ROBO1: variants seen among roughly 807,000 people sequenced by gnomAD.
ROBO1 encodes roundabout guidance receptor 1.
A neutral mutation model predicts 195.9 loss-of-function variants in ROBO1; 149 were observed. That is an observed-to-expected ratio of 0.76 (90% confidence interval 0.67 to 0.87). ROBO1 has a LOEUF of 0.87. Among genes scored for constraint, ROBO1 ranks in the 40% least tolerant of loss-of-function variants. ROBO1 has a pLI of 0.00. For missense variants in ROBO1, 1,933 were observed against 2,068.3 expected (o/e 0.93, Z 1.27); for synonymous variants, 816 against 733.2 (o/e 1.11, Z -1.82).
chr3:79,215,459 T>G (rs1045786257), intron 2 of ROBO1, among the ~76,000 whole-genome samples: 3 of 152,066 alleles, frequency 2.0e-5, no homozygotes, highest in Non-Finnish European at 4.4e-5. Context: ...CCTCCCCTAC[T>G]CCGACCCAAC....
intron 3 of ROBO1, among the ~76,000 whole-genome samples, chr3:79,122,701 A>C (rs1234987418): frequency 2.0e-5 from 3 of 151,974 alleles, no homozygotes; most frequent in Non-Finnish European, 4.4e-5. Context: ...TTGTAGTAAC[A>C]AATTAGCTTG....
chr3:78,646,683 C>T (rs1706315227), intron 20 of ROBO1, among the ~76,000 whole-genome samples: 1 of 150,544 alleles, frequency 6.6e-6, no homozygotes, highest in Admixed American at 6.6e-5. Flanking sequence ...TAAAATAAAC[C>T]TTTCTACACA....
At chr3:79,597,188 G>A (rs1295340951) in intron 1 of ROBO1, among the ~76,000 whole-genome samples, 2 of 151,708 alleles carry the variant, frequency 1.3e-5, no homozygotes, top group African/African-American at 2.4e-5. Flanking sequence ...CTAGAGTTCT[G>A]TAGATAATAC....
At chr3:78,821,952 G>GTCACACAA (rs2031024589) in intron 4 of ROBO1, among the ~76,000 whole-genome samples, 1 of 152,036 alleles carries the variant, frequency 6.6e-6, no homozygotes, top group Non-Finnish European at 1.5e-5. Context: ...TGAGCAGATA[G>GTCACACAA]ATTATCATTG....
At chr3:79,445,753 C>T (rs2039229545) in intron 2 of ROBO1, among the ~76,000 whole-genome samples, 1 of 151,566 alleles carries the variant, frequency 6.6e-6, no homozygotes, top group African/African-American at 2.4e-5. Context: ...GCTCCGCCTC[C>T]CGGGTTCACA....
intron 4 of ROBO1, among the ~76,000 whole-genome samples, chr3:78,882,136 T>G (rs913297238): frequency 6.6e-6 from 1 of 152,120 alleles, no homozygotes; most frequent in Non-Finnish European, 1.5e-5. Context: ...ATATTACAAA[T>G]TTAGGAACAG....
intron 2 of ROBO1, among the ~76,000 whole-genome samples, chr3:79,460,779 G>C (rs1015831045): frequency 1.3e-5 from 2 of 151,266 alleles, no homozygotes; most frequent in African/African-American, 2.4e-5. Flanking sequence ...ACGGAGTCTC[G>C]CTCTGTCGCC....
chr3:79,627,545 A>T (rs1218266261), intron 1 of ROBO1, among the ~76,000 whole-genome samples: 1 of 152,208 alleles, frequency 6.6e-6, no homozygotes, highest in Non-Finnish European at 1.5e-5. Flanking sequence ...AGCCATAAAA[A>T]TTGTAGAGGA....
intron 2 of ROBO1, among the ~76,000 whole-genome samples, chr3:79,424,448 ACTC>A (rs966775760): frequency 6.6e-6 from 1 of 151,954 alleles, no homozygotes; most frequent in East Asian, 1.9e-4. Flanking sequence ...TATATCATAT[ACTC>A]CTCAAGTGAA....
chr3:79,569,000 A>T (rs57146209), intron 2 of ROBO1, among the ~76,000 whole-genome samples: 11,274 of 152,192 alleles, frequency 0.074, 454 homozygotes, highest in East Asian at 0.15. Flanking sequence ...TTAGCCACAT[A>T]ATTAGCTATC....
chr3:78,781,352 A>C (rs1315389632), intron 4 of ROBO1, among the ~76,000 whole-genome samples: 1 of 152,170 alleles, frequency 6.6e-6, no homozygotes, highest in African/African-American at 2.4e-5. Context: ...GATTAACTCT[A>C]ACATTTAATT....
At chr3:79,758,127 A>G (rs930300100) in intron 1 of ROBO1, among the ~76,000 whole-genome samples, 2 of 152,184 alleles carry the variant, frequency 1.3e-5, no homozygotes, top group African/African-American at 4.8e-5. Flanking sequence ...CATGCCCTGT[A>G]AAACTATTTT....
At chr3:79,171,015 G>T (rs2081155329) in intron 2 of ROBO1, among the ~76,000 whole-genome samples, 1 of 151,474 alleles carries the variant, frequency 6.6e-6, no homozygotes, top group Non-Finnish European at 1.5e-5. Context: ...ATTTTTCAGG[G>T]ATATTTTGAG....
rs199831032 is a variant in ROBO1, at chr3:79,544,315, A to AT, written c.88+45508dup. On this transcript the variant is annotated intron_variant, in intron 2 of 30. Coordinates refer to ENST00000464233, the MANE Select transcript of ROBO1 (RefSeq NM_002941.4). The stretch of plus-strand genomic sequence containing the variant: ...TTATGGTTTTAATTTTTATAATAAC[A>AT]TTTTTTCTTTTTATGTTTCTAATCA... Among the ~76,000 whole-genome samples the AT allele has an allele frequency of 2.7e-3, 409 of 151,854 alleles. 8 individuals are homozygous for AT. The East Asian group carries it at 0.067, about 25-fold the overall frequency.
Position 79,169,241 on chromosome 3 carries a change from T to A in ROBO1, c.89-43702A>T, listed in dbSNP as rs1210237883. On this transcript the variant is annotated intron_variant, in intron 2 of 30. Transcript: ENST00000464233. ...TAATAGTAGTACATATTCATTTTAT[T>A]ATGTTATAATCTACATTAATTTTAT... Among the ~76,000 whole-genome samples, 4 of 152,224 alleles carry A rather than the reference T, an allele frequency of 2.6e-5. No individual in the cohort carries two copies. The South Asian group carries it at 8.3e-4, about 31-fold the overall frequency.
intron 3 of ROBO1, among the ~76,000 whole-genome samples, chr3:78,976,513 G>T (rs986632378): frequency 6.6e-6 from 1 of 152,136 alleles, no homozygotes; most frequent in African/African-American, 2.4e-5. Flanking sequence ...TTCGGACAGA[G>T]CTTCTGGCTT....
At chr3:78,782,690 A>G (rs2083714364) in intron 4 of ROBO1, among the ~76,000 whole-genome samples, 1 of 152,072 alleles carries the variant, frequency 6.6e-6, no homozygotes, top group African/African-American at 2.4e-5. Flanking sequence ...TACTTTTTAA[A>G]CCTTCATTAA....
intron 4 of ROBO1, among the ~76,000 whole-genome samples, chr3:78,802,671 T>C (rs909630511): frequency 6.6e-6 from 1 of 152,092 alleles, no homozygotes; most frequent in Admixed American, 6.6e-5. Context: ...ATAAGACTTT[T>C]CTGGAGAGAA....
chr3:79,025,126 C>G (rs1426589580), intron 3 of ROBO1, among the ~76,000 whole-genome samples: 2 of 152,116 alleles, frequency 1.3e-5, no homozygotes, highest in African/African-American at 4.8e-5. Context: ...ACAATGGCTT[C>G]TATGCTGTTC....
Sources: gnomAD v4.1 joint callset for allele counts (sites outside exome capture counted in the v4.1 genomes callset) on GRCh38, gnomAD v4.1.1 for gene constraint, MANE v1.5 for transcripts, NCBI Gene and HGNC (gene_info 2026-07-23, HGNC 2026-07-21) for gene names.